FRAS1: variants seen among roughly 807,000 people sequenced by gnomAD.
FRAS1 encodes the protein Fraser extracellular matrix complex subunit 1, also known as extracellular matrix organizing protein FRAS1.
FRAS1 carries 290 observed loss-of-function variants against 435.2 expected under a neutral mutation model. The observed-to-expected ratio is 0.67, with a 90% CI of 0.61 to 0.73. The LOEUF (loss-of-function observed/expected upper bound fraction) is 0.73, where lower values mean the gene tolerates loss of function less well. Among genes scored for constraint, FRAS1 ranks in the 30% least tolerant of loss-of-function variants. FRAS1 has a pLI of 0.00. For synonymous variants in FRAS1, 1,800 were observed against 1,851.0 expected (o/e 0.97, Z 0.71); for missense variants, 4,860 against 5,001.5 (o/e 0.97, Z 0.85).
chr4:78,124,340 A>G (rs1719214104), intron 2 of FRAS1, among the ~76,000 whole-genome samples: 1 of 152,192 alleles, frequency 6.6e-6, no homozygotes. Context: ...ATCGTGGTGG[A>G]TAAGCTTTTT....
intron 29 of FRAS1, among the ~76,000 whole-genome samples, chr4:78,391,136 C>T (rs982479546): frequency 6.6e-6 from 1 of 152,094 alleles, no homozygotes; most frequent in Admixed American, 6.5e-5. Context: ...GATGAGAAGC[C>T]CTTGGGGCAC....
At chr4:78,060,745 C>G (rs1739725420) in intron 1 of FRAS1, among the ~76,000 whole-genome samples, 2 of 152,088 alleles carry the variant, frequency 1.3e-5, no homozygotes. Context: ...CGTGATAGCT[C>G]TAAGATACTT....
At chr4:78,150,630 G>A (rs1720611158) in intron 2 of FRAS1, among the ~76,000 whole-genome samples, 1 of 152,174 alleles carries the variant, frequency 6.6e-6, no homozygotes, top group African/African-American at 2.4e-5. Flanking sequence ...GTTGAAGATA[G>A]GACGGATCAC....
chr4:78,144,294 GT>G (rs1278271353), intron 2 of FRAS1, among the ~76,000 whole-genome samples: 2 of 152,048 alleles, frequency 1.3e-5, no homozygotes, highest in Non-Finnish European at 2.9e-5. Flanking sequence ...AAAAGTTAAT[GT>G]TTTGGAAACA....
chr4:78,356,293 T>C (rs202085509), intron 20 of FRAS1, among the ~76,000 whole-genome samples: 1 of 152,162 alleles, frequency 6.6e-6, no homozygotes, highest in Non-Finnish European at 1.5e-5. Context: ...TTGACCTTTT[T>C]CGTGGGCCTT....
At chr4:78,066,479 A>G (rs868207168) in intron 2 of FRAS1, among the ~76,000 whole-genome samples, 27 of 152,346 alleles carry the variant, frequency 1.8e-4, no homozygotes, top group African/African-American at 6.3e-4. Context: ...AACAGCAAAG[A>G]AATTAACATT....
chr4:78,219,321 C>T (rs1723941340), intron 2 of FRAS1, among the ~76,000 whole-genome samples: 1 of 152,108 alleles, frequency 6.6e-6, no homozygotes, highest in Non-Finnish European at 1.5e-5. Context: ...TTTTATTTCA[C>T]ACCAAAGACC....
At chr4:78,088,290 A>G (rs1452855080) in intron 2 of FRAS1, among the ~76,000 whole-genome samples, 1 of 152,256 alleles carries the variant, frequency 6.6e-6, no homozygotes, top group East Asian at 1.9e-4. Context: ...AGATGGATTA[A>G]AGACTTAGAT....
intron 2 of FRAS1, among the ~76,000 whole-genome samples, chr4:78,208,958 G>A (rs886963119): frequency 1.8e-4 from 28 of 151,960 alleles, no homozygotes; most frequent in African/African-American, 6.8e-4. Context: ...ACAACAAAGT[G>A]AGACCCTGTC....
intron 2 of FRAS1, among the ~76,000 whole-genome samples, chr4:78,083,999 C>G (rs1741026108): frequency 6.6e-6 from 1 of 152,024 alleles, no homozygotes; most frequent in South Asian, 2.1e-4. Flanking sequence ...TTGGTTGATT[C>G]TCCCTCACTC....
chr4:78,169,820 G>A (rs1041570957), intron 2 of FRAS1, among the ~76,000 whole-genome samples: 1 of 152,110 alleles, frequency 6.6e-6, no homozygotes, highest in African/African-American at 2.4e-5. Flanking sequence ...GTGTAATGCA[G>A]TGGAAAGGCA....
intron 3 of FRAS1, among the ~76,000 whole-genome samples, chr4:78,239,097 A>G (rs1289815325): frequency 1.3e-5 from 2 of 152,212 alleles, no homozygotes; most frequent in African/African-American, 2.4e-5. Flanking sequence ...CATGTAGACC[A>G]TGTGTGACTC....
rs1042487680 is a variant in FRAS1, at chr4:78,197,015, G to C, written c.109-40495G>C. On this transcript the variant is annotated intron_variant, in intron 2 of 73. Transcript: ENST00000512123. ...TTGGGACAAAGTAGAACAGAAATAT[G>C]GGTGAGATTACAGGGCTATTATGTG... is the stretch of plus-strand genomic sequence containing the variant. Among the ~76,000 whole-genome samples the C allele has an allele frequency of 3.9e-5, 6 of 152,304 alleles. No homozygotes were observed. The East Asian group carries it at 9.7e-4, about 25-fold the overall frequency.
chr4:78,367,574 C>T (rs1023037435), intron 22 of FRAS1, among the ~76,000 whole-genome samples: 3 of 152,120 alleles, frequency 2.0e-5, no homozygotes, highest in African/African-American at 7.2e-5. Context: ...GACCAGCTGA[C>T]CCTTATGTTG....
At chr4:78,123,840 T>C (rs879221335) in intron 2 of FRAS1, among the ~76,000 whole-genome samples, 4 of 152,220 alleles carry the variant, frequency 2.6e-5, no homozygotes, top group Non-Finnish European at 5.9e-5. Flanking sequence ...ATTCTGATAT[T>C]TGCTGAAGCT....
chr4:78,273,107 C>A (rs1297804569), intron 9 of FRAS1, among the ~76,000 whole-genome samples: 1 of 152,086 alleles, frequency 6.6e-6, no homozygotes, highest in African/African-American at 2.4e-5. Context: ...TGATTTGGCT[C>A]TCTGTTTATC....
intron 2 of FRAS1, among the ~76,000 whole-genome samples, chr4:78,144,462 G>GTC (rs1410135259): frequency 8.6e-5 from 13 of 151,850 alleles, no homozygotes; most frequent in African/African-American, 2.9e-4. Flanking sequence ...GTGTGTGTGT[G>GTC]TGTGTGTGTG....
At chr4:78,373,330 A>G (rs1437998970) in intron 24 of FRAS1, among the ~76,000 whole-genome samples, 1 of 151,892 alleles carries the variant, frequency 6.6e-6, no homozygotes, top group Non-Finnish European at 1.5e-5. Flanking sequence ...AGACCCTGAA[A>G]TTCCCATCAA....
Position 78,482,413 on chromosome 4 carries a change from A to T in FRAS1, c.8630A>T (p.Asp2877Val), listed in dbSNP as rs1720037453. The change falls in exon 58 of 74, where the codon GAC becomes GTC. Residue 2877 changes from aspartate to valine, a missense_variant. Asp to Val is a radical substitution (Grantham distance 152, BLOSUM62 -3). Coordinates refer to ENST00000512123, the MANE Select transcript of FRAS1 (RefSeq NM_025074.7). ...EQYCTLTILD[D>V]TQYPVIEGLE... ...TATTGCACCTTGACTATCTTGGATG[A>T]CACTCAGTATCCGGTAATTGAAGGA... The T allele has an allele frequency of 2.5e-6, 4 of 1,613,678 alleles. No homozygotes were observed. Among genetic ancestry groups the T allele is most frequent in the Non-Finnish European group, 3.4e-6 (4 of 1,179,800 alleles).
Sources: gnomAD v4.1 joint callset for allele counts (sites outside exome capture counted in the v4.1 genomes callset) on GRCh38, gnomAD v4.1.1 for gene constraint, MANE v1.5 for transcripts, NCBI Gene and HGNC (gene_info 2026-07-23, HGNC 2026-07-21) for gene names.